The following RMND1 variants were observed in gnomAD, a reference collection of about 807,000 sequenced individuals.
RMND1 encodes the protein required for meiotic nuclear division 1 homolog, also known as required for meiotic nuclear division protein 1 homolog.
RMND1 carries 41 observed loss-of-function variants against 54.0 expected under a neutral mutation model. That is an observed-to-expected ratio of 0.76 (90% CI 0.59 to 0.98). The LOEUF is 0.98. Among genes scored for constraint, RMND1 ranks in the 50% least tolerant of loss-of-function variants. The probability of loss-of-function intolerance (pLI) is 0.00; values close to 1 mark genes in which losing one functional copy is unlikely to be tolerated. For missense variants in RMND1, 457 were observed against 532.0 expected (o/e 0.86, Z 1.39); for synonymous variants, 183 against 181.7 (o/e 1.01, Z -0.06).
At chr6:151,405,646 C>G in intron 11 of RMND1, 74 bp downstream of exon 11, 1 of 743,264 alleles carries the variant, frequency 1.3e-6, no homozygotes, top group South Asian at 1.7e-5. Context: ...CTATCTCAAA[C>G]TATCTTATTA....
At chr6:151,418,328 C>G (rs1343429076) in intron 9 of RMND1, among the ~76,000 whole-genome samples, 1 of 152,012 alleles carries the variant, frequency 6.6e-6, no homozygotes, top group Non-Finnish European at 1.5e-5. Flanking sequence ...GTGGGAGGAT[C>G]ATGTGAACCT....
chr6:151,429,567 A>G (rs902429921), intron 5 of RMND1, among the ~76,000 whole-genome samples: 1 of 152,178 alleles, frequency 6.6e-6, no homozygotes, highest in Non-Finnish European at 1.5e-5. Flanking sequence ...TATTTTGGTA[A>G]TTTCTAATTT....
intron 5 of RMND1, among the ~76,000 whole-genome samples, chr6:151,428,542 A>G (rs1019378556): frequency 6.6e-6 from 1 of 152,208 alleles, no homozygotes; most frequent in South Asian, 2.1e-4. Context: ...CAATATGTAT[A>G]TATGTAACAG....
chr6:151,445,207 C>A, intron 2 of RMND1, 101 bp downstream of exon 2: 1 of 1,219,950 alleles, frequency 8.2e-7, no homozygotes, highest in Non-Finnish European at 1.1e-6. Context: ...TGAGTGACTG[C>A]TAGTTCTCTT....
chr6:151,436,239 T>C, intron 3 of RMND1: 1 of 524,782 alleles, frequency 1.9e-6, no homozygotes, highest in African/African-American at 1.9e-5. Flanking sequence ...ATAATCTTAA[T>C]AAATCATACT....
In RMND1 at chr6:151,417,249, T is replaced by C. The variant is rs751496973; in HGVS notation, c.1200+30A>G. The C allele has an allele frequency of 2.0e-5, 32 of 1,582,298 alleles. No homozygotes were observed. The East Asian group carries it at 2.9e-4, about 14-fold the overall frequency. On this transcript the variant is annotated intron_variant, in intron 10 of 11. Transcript: ENST00000444024. The stretch of plus-strand genomic sequence containing the variant: ...CAACTTATAGGCGACAACGTGTCTT[T>C]TTCTCTCATTAGAAGTGCAAAATAC...
At position 151,405,181 on chromosome 6, in the gene RMND1, T is replaced by A; in HGVS notation, c.*54A>T. ...CACCGCGCCGGGCCGAACATTTAAT[T>A]TTTGATTGTAGAACTTGAATATCTC... On this transcript the variant is annotated 3_prime_UTR_variant, in exon 12 of 12. Transcript: ENST00000444024. 1 of 1,552,494 alleles carries A rather than the reference T, an allele frequency of 6.4e-7. No homozygotes were observed. Among genetic ancestry groups the A allele is most frequent in the South Asian group, 1.1e-5 (1 of 89,524 alleles).
At chr6:151,444,999 C>A (rs1174826625) in intron 2 of RMND1, 2 of 240,042 alleles carry the variant, frequency 8.3e-6, no homozygotes, top group Non-Finnish European at 1.6e-5. Flanking sequence ...TTTTTTTTTA[C>A]AGTCCCATTC....
intron 10 of RMND1, among the ~76,000 whole-genome samples, chr6:151,416,105 A>G (rs1018857981): frequency 7.3e-5 from 11 of 151,666 alleles, no homozygotes; most frequent in African/African-American, 2.7e-4. Context: ...CAGCCTCCCG[A>G]GTAGCTGGGA....
chr6:151,440,689 G>A (rs1780748152), intron 2 of RMND1, among the ~76,000 whole-genome samples: 1 of 152,118 alleles, frequency 6.6e-6, no homozygotes, highest in South Asian at 2.1e-4. Flanking sequence ...TCTTAGCTCT[G>A]AGTCTTAGTT....
At position 151,415,288 on chromosome 6, in the gene RMND1, T is replaced by C. The variant is rs949031514; in HGVS notation, c.1200+1991A>G. On this transcript the variant is annotated intron_variant, in intron 10 of 11. Coordinates refer to ENST00000444024, the MANE Select transcript of RMND1 (RefSeq NM_017909.4). Reference sequence around the variant, plus strand: ...ATAAAAGAAATAAGAATTCTTTTTTTTTTTCTGCATCCAATCATCCATTAG... The same window carrying C: ...ATAAAAGAAATAAGAATTCTTTTTTCTTTTCTGCATCCAATCATCCATTAG... Among the ~76,000 whole-genome samples, 5 of 152,136 alleles carry C rather than the reference T, an allele frequency of 3.3e-5. No homozygotes were observed. The South Asian group carries it at 1.0e-3, about 32-fold the overall frequency.
chr6:151,410,526 G>C (rs541373222), intron 10 of RMND1, among the ~76,000 whole-genome samples: 1 of 152,036 alleles, frequency 6.6e-6, no homozygotes, highest in South Asian at 2.1e-4. Flanking sequence ...AACTGCCTTC[G>C]GGATGCTGAG....
chr6:151,410,031 TAAAA>T (rs932618137), intron 10 of RMND1, among the ~76,000 whole-genome samples: 10 of 150,912 alleles, frequency 6.6e-5, no homozygotes, highest in African/African-American at 2.2e-4. Flanking sequence ...TGAGGGGGAA[TAAAA>T]AACCCCGCTA....
chr6:151,422,263 A>G (rs1383310492), intron 8 of RMND1, among the ~76,000 whole-genome samples: 1 of 147,494 alleles, frequency 6.8e-6, no homozygotes, highest in Non-Finnish European at 1.5e-5. Context: ...TAAATAATAC[A>G]GTATAACAAC....
chr6:151,423,733 A>G, intron 6 of RMND1, 102 bp from the exon 7 acceptor site: 1 of 785,138 alleles, frequency 1.3e-6, no homozygotes, highest in South Asian at 1.5e-5. Context: ...CATTTTGACA[A>G]TTTGTATCAA....
At chr6:151,421,567 A>T (rs190559622) in intron 8 of RMND1, among the ~76,000 whole-genome samples, 355 of 152,206 alleles carry the variant, frequency 2.3e-3, no homozygotes, top group Non-Finnish European at 4.1e-3. Flanking sequence ...ATACATTCCT[A>T]ATCTCTTAGT....
intron 5 of RMND1, among the ~76,000 whole-genome samples, chr6:151,428,965 T>C (rs1280648631): frequency 2.0e-5 from 3 of 152,182 alleles, no homozygotes; most frequent in African/African-American, 7.2e-5. Context: ...AATAGCCAAC[T>C]TGTATTTTCT....
At chr6:151,449,647 C>T (rs1781068945) in intron 1 of RMND1, among the ~76,000 whole-genome samples, 1 of 151,996 alleles carries the variant, frequency 6.6e-6, no homozygotes, top group Non-Finnish European at 1.5e-5. Context: ...CCTCTCCCTC[C>T]TCTCCCTCTC....
In RMND1 at chr6:151,445,292, G is replaced by A; in HGVS notation, c.504+16C>T. The A allele has an allele frequency of 6.3e-7, 1 of 1,591,598 alleles. No individual in the cohort carries two copies. Among genetic ancestry groups the A allele is most frequent in the Non-Finnish European group, 8.5e-7 (1 of 1,169,958 alleles). On this transcript the variant is annotated intron_variant, in intron 2 of 11. Coordinates refer to ENST00000444024, the MANE Select transcript of RMND1 (RefSeq NM_017909.4). ...ATGATCACTAAGCACGAGAGCCACG[G>A]CCACCCCTACTTTACCTCGTTCACA... is the stretch of plus-strand genomic sequence containing the variant.
Sources: gnomAD v4.1 joint callset for allele counts (sites outside exome capture counted in the v4.1 genomes callset) on GRCh38, gnomAD v4.1.1 for gene constraint, MANE v1.5 for transcripts, NCBI Gene and HGNC (gene_info 2026-07-23, HGNC 2026-07-21) for gene names.